The following ATG14 variants were observed in gnomAD, a reference collection of about 807,000 sequenced individuals.
ATG14 encodes autophagy related 14, also known as beclin 1-associated autophagy-related key regulator.
A neutral mutation model predicts 60.4 loss-of-function variants in ATG14; 35 were observed. That is an observed-to-expected ratio of 0.58 (90% CI 0.44 to 0.77). ATG14 has a LOEUF of 0.77. Among genes scored for constraint, ATG14 ranks in the 30% least tolerant of loss-of-function variants. The probability of loss-of-function intolerance (pLI) is 0.00; values close to 1 mark genes in which losing one functional copy is unlikely to be tolerated. For synonymous variants in ATG14, 234 were observed against 228.8 expected, an observed-to-expected ratio of 1.02 and a Z score of -0.21; for missense variants, 647 against 626.3, an observed-to-expected ratio of 1.03 and a Z score of -0.35.
intron 1 of ATG14, among the ~76,000 whole-genome samples, chr14:55,397,943 CTTTTTTTTTT>C (rs928087584): frequency 4.7e-5 from 5 of 105,558 alleles, no homozygotes; most frequent in Non-Finnish European, 7.4e-5. Flanking sequence ...TGCAGTAATT[CTTTTTTTTTT>C]TTTTTTTTTT....
rs552936924 is a variant in ATG14 at position 55,388,670 on chromosome 14, GA to G, written c.409+2240del. ...CAATTTATAATTTGTGCCCTTTCATGACTACATGTCATAATTCAACAACAAC... is the reference window on the plus strand; with the variant it reads ...CAATTTATAATTTGTGCCCTTTCATGCTACATGTCATAATTCAACAACAAC... On this transcript the variant is annotated intron_variant, in intron 4 of 9. Transcript: ENST00000247178. Among the ~76,000 whole-genome samples the G allele has an allele frequency of 9.2e-5, 14 of 152,296 alleles. No homozygotes were observed. In the South Asian group the frequency reaches 2.9e-3, roughly 32 times the overall value.
At chr14:55,375,490 ATTTTTTTTTT>A (rs779634897) in intron 9 of ATG14, among the ~76,000 whole-genome samples, 1,863 of 117,840 alleles carry the variant, frequency 0.016, 56 homozygotes, top group African/African-American at 0.06. Context: ...GCCGGGCTAA[ATTTTTTTTTT>A]TTTTTTTTTT....
At chr14:55,389,909 C>CA (rs1467354813) in intron 4 of ATG14, among the ~76,000 whole-genome samples, 1 of 151,268 alleles carries the variant, frequency 6.6e-6, no homozygotes, top group Non-Finnish European at 1.5e-5. Flanking sequence ...ATAAAGTGTA[C>CA]AAATATGATG....
intron 1 of ATG14, among the ~76,000 whole-genome samples, chr14:55,406,998 G>T (rs1251329512): frequency 6.9e-6 from 1 of 145,818 alleles, no homozygotes; most frequent in Non-Finnish European, 1.5e-5. Context: ...GTCTAGCTCT[G>T]TTGCCCAGGC....
chr14:55,374,426 C>T (rs1042049097), intron 9 of ATG14, among the ~76,000 whole-genome samples: 7 of 152,322 alleles, frequency 4.6e-5, no homozygotes, highest in Admixed American at 3.3e-4. Flanking sequence ...TGAAAGATTT[C>T]AGTTGTCTAG....
intron 3 of ATG14, among the ~76,000 whole-genome samples, chr14:55,392,537 T>A (rs1885236050): frequency 6.7e-6 from 1 of 150,292 alleles, no homozygotes; most frequent in African/African-American, 2.5e-5. Context: ...TAGTCCCAGC[T>A]ACCAGGGAGA....
chr14:55,391,050 A>G, intron 3 of ATG14, 58 bp from the exon 4 acceptor site: 1 of 1,159,682 alleles, frequency 8.6e-7, no homozygotes, highest in South Asian at 1.4e-5. Flanking sequence ...TAATATGATT[A>G]TCTACCTGGG....
rs1477964598 is a variant in ATG14, at chr14:55,369,406, CT to C, written c.*212del. 4.7e-6 allele frequency: 2 copies of C among 429,282 alleles called. No homozygotes were observed. Among genetic ancestry groups the C allele is most frequent in the East Asian group, 3.5e-5 (1 of 28,218 alleles). 26.6% of individuals were successfully genotyped at this position (429,282 alleles called of 1,614,324 possible). ...GTCTGGGTAGAAAGACCTTCGACCC[CT>C]GTTCTCTTAATTATCATAAGCATGT... On this transcript the variant is annotated 3_prime_UTR_variant, in exon 10 of 10. Coordinates refer to ENST00000247178, the MANE Select transcript of ATG14 (RefSeq NM_014924.5).
chr14:55,369,932 GCAGA>G lies in ATG14; in HGVS notation c.1173-11_1173-8del. The G allele has an allele frequency of 6.3e-7, 1 of 1,589,144 alleles. No individual in the cohort carries two copies. The highest frequency in any genetic ancestry group is 8.6e-7 in the Non-Finnish European group (1 of 1,165,712). On this transcript the variant is annotated splice_polypyrimidine_tract_variant and splice_region_variant and intron_variant, in intron 9 of 9. Coordinates refer to ENST00000247178, the MANE Select transcript of ATG14 (RefSeq NM_014924.5). ...TACTTCAAAGGGCCCTGACCTGTGT[GCAGA>G]CAATGAGGGTCTCTTTAGGATAACA... is the stretch of plus-strand genomic sequence containing the variant.
intron 1 of ATG14, among the ~76,000 whole-genome samples, chr14:55,405,990 A>G (rs1885483407): frequency 6.6e-6 from 1 of 152,166 alleles, no homozygotes; most frequent in Admixed American, 6.5e-5. Flanking sequence ...GTGGGTGAGG[A>G]TACCAAAGTT....
chr14:55,382,290 T>C (rs1041965351), intron 5 of ATG14, 99 bp from the exon 6 acceptor site: 13 of 988,114 alleles, frequency 1.3e-5, no homozygotes, highest in East Asian at 2.5e-5. Flanking sequence ...AAGCTGCCTA[T>C]GAGCACAGAA....
intron 9 of ATG14, among the ~76,000 whole-genome samples, chr14:55,376,347 G>A (rs771184783): frequency 6.6e-6 from 1 of 152,190 alleles, no homozygotes; most frequent in Non-Finnish European, 1.5e-5. Flanking sequence ...GTACAGAGAG[G>A]ATGGTGAGTA....
intron 9 of ATG14, among the ~76,000 whole-genome samples, chr14:55,372,416 A>G (rs1457668872): frequency 6.6e-6 from 1 of 152,020 alleles, no homozygotes; most frequent in Non-Finnish European, 1.5e-5. Flanking sequence ...AGATGCTCTG[A>G]TTCTGTTCTG....
chr14:55,375,490 ATTTTT>A (rs779634897), intron 9 of ATG14, among the ~76,000 whole-genome samples: 7 of 117,804 alleles, frequency 5.9e-5, no homozygotes, highest in East Asian at 2.4e-4. Flanking sequence ...GCCGGGCTAA[ATTTTT>A]TTTTTTTTTT....
intron 9 of ATG14, among the ~76,000 whole-genome samples, chr14:55,371,952 TG>T (rs1180827749): frequency 6.6e-6 from 1 of 152,230 alleles, no homozygotes; most frequent in African/African-American, 2.4e-5. Context: ...AGCAAACTAA[TG>T]GCCACTGCAG....
chr14:55,395,845 C>G, intron 3 of ATG14, 95 bp downstream of exon 3: 1 of 945,288 alleles, frequency 1.1e-6, no homozygotes, highest in East Asian at 3.1e-5. Flanking sequence ...CTGCTAAATA[C>G]GATTTTTAAA....
At chr14:55,373,316 A>G (rs1342732424) in intron 9 of ATG14, among the ~76,000 whole-genome samples, 3 of 152,176 alleles carry the variant, frequency 2.0e-5, no homozygotes, top group African/African-American at 7.2e-5. Flanking sequence ...TAGCTTTGTA[A>G]AAGTCACTTT....
Position 55,394,729 on chromosome 14 carries a change from C to T in ATG14, c.327+1211G>A, listed in dbSNP as rs372461758. On this transcript the variant is annotated intron_variant, in intron 3 of 9. Transcript: ENST00000247178. ...GAAACAGTTCTACTAAAAAACAACA[C>T]GGGAACAGAAGTAATTAAAAATGTT... is the stretch of plus-strand genomic sequence containing the variant. Among the ~76,000 whole-genome samples the T allele has an allele frequency of 3.3e-5, 5 of 152,108 alleles. No individual in the cohort carries two copies. In the South Asian group the frequency reaches 8.3e-4, roughly 25 times the overall value.
chr14:55,401,717 T>C (rs951386371), intron 1 of ATG14, among the ~76,000 whole-genome samples: 2 of 152,060 alleles, frequency 1.3e-5, no homozygotes, highest in African/African-American at 4.8e-5. Context: ...TGATACAGAT[T>C]GATGGGAACA....
Sources: gnomAD v4.1 joint callset for allele counts (sites outside exome capture counted in the v4.1 genomes callset) on GRCh38, gnomAD v4.1.1 for gene constraint, MANE v1.5 for transcripts, NCBI Gene and HGNC (gene_info 2026-07-23, HGNC 2026-07-21) for gene names.